The following KCNH8 variants were observed in gnomAD, a reference collection of about 807,000 sequenced individuals.
KCNH8 encodes the protein potassium voltage-gated channel subfamily H member 8.
KCNH8 carries 70 observed loss-of-function variants against 103.6 expected under a neutral mutation model. That is an observed-to-expected ratio of 0.68 (90% CI 0.56 to 0.82). KCNH8 has a LOEUF of 0.82. KCNH8 is among the 40% of genes least tolerant of loss of function. The pLI, the probability that KCNH8 is intolerant of heterozygous loss-of-function variation, is 0.00. For missense variants in KCNH8, 1,217 were observed against 1,329.9 expected, an observed-to-expected ratio of 0.92 and a Z score of 1.32; for synonymous variants, 498 against 489.4, an observed-to-expected ratio of 1.02 and a Z score of -0.23.
rs66509260 is a variant in KCNH8, at chr3:19,284,508, G to GGTGTGTGTGTGT, written c.442+3213_442+3224dup. Among the ~76,000 whole-genome samples, 7 of 136,620 alleles carry GGTGTGTGTGTGT rather than the reference G, an allele frequency of 5.1e-5. No individual in the cohort carries two copies. The East Asian group carries it at 8.6e-4, about 17-fold the overall frequency. 89.6% of individuals were successfully genotyped at this position (136,620 alleles called of 152,430 possible). ...ATAGCTTTCAGCTGGTGGATCTGCT[G>GGTGTGTGTGTGT]GTGTGTGTGTGTGTGTGTGTGTGTG... is the stretch of plus-strand genomic sequence containing the variant. On this transcript the variant is annotated intron_variant, in intron 3 of 15. Coordinates refer to ENST00000328405, the MANE Select transcript of KCNH8 (RefSeq NM_144633.3).
chr3:19,240,298 A>T (rs2064121611), intron 1 of KCNH8, among the ~76,000 whole-genome samples: 1 of 152,058 alleles, frequency 6.6e-6, no homozygotes, highest in Non-Finnish European at 1.5e-5. Flanking sequence ...TTTCTATCTA[A>T]GCATAGCTAT....
At chr3:19,464,742 ATATCCAAATGGCCACTTGCCAT>A (rs1388241618) in intron 11 of KCNH8, among the ~76,000 whole-genome samples, 1 of 152,164 alleles carries the variant, frequency 6.6e-6, no homozygotes, top group Non-Finnish European at 1.5e-5. Flanking sequence ...CAAGTGGCTG[ATATCCAAATGGCCACTTGCCAT>A]TATCCAAATG....
intron 5 of KCNH8, among the ~76,000 whole-genome samples, chr3:19,386,035 TC>T (rs1162005563): frequency 2.0e-5 from 3 of 152,148 alleles, no homozygotes; most frequent in Non-Finnish European, 4.4e-5. Context: ...AGAAAAGAAA[TC>T]TACTAATTTT....
chr3:19,517,620 G>A (rs781621348), intron 14 of KCNH8, among the ~76,000 whole-genome samples: 2 of 152,016 alleles, frequency 1.3e-5, no homozygotes, highest in Non-Finnish European at 2.9e-5. Context: ...AGAATGGAAC[G>A]AGAGAAGAAA....
chr3:19,189,147 A>G (rs1447219929), intron 1 of KCNH8, among the ~76,000 whole-genome samples: 2 of 152,082 alleles, frequency 1.3e-5, no homozygotes, highest in Non-Finnish European at 2.9e-5. Context: ...AGAAACAACA[A>G]CAGTTAAGAT....
intron 1 of KCNH8, among the ~76,000 whole-genome samples, chr3:19,238,386 A>C (rs948264471): frequency 6.6e-6 from 1 of 152,188 alleles, no homozygotes; most frequent in Non-Finnish European, 1.5e-5. Flanking sequence ...TCCCTGTCTC[A>C]AGACTGAGAA....
intron 3 of KCNH8, among the ~76,000 whole-genome samples, chr3:19,335,481 GTGTATATA>G (rs1238870152): frequency 2.0e-5 from 1 of 49,996 alleles, no homozygotes; most frequent in Admixed American, 2.0e-4. Context: ...ATATATGTGT[GTGTATATA>G]TATATATATA....
chr3:19,468,522 C>T (rs757760916), intron 11 of KCNH8, among the ~76,000 whole-genome samples: 107 of 152,222 alleles, frequency 7.0e-4, no homozygotes, highest in Admixed American at 3.3e-3. Flanking sequence ...TTTTTCACTT[C>T]CCCTAAGTTC....
At chr3:19,459,603 A>G (rs2067589673) in intron 11 of KCNH8, among the ~76,000 whole-genome samples, 1 of 151,948 alleles carries the variant, frequency 6.6e-6, no homozygotes, top group African/African-American at 2.4e-5. Context: ...TTTAAATTTG[A>G]TATAATTCAA....
intron 2 of KCNH8, among the ~76,000 whole-genome samples, chr3:19,254,754 C>T (rs879718739): frequency 6.6e-6 from 1 of 151,800 alleles, no homozygotes; most frequent in Non-Finnish European, 1.5e-5. Flanking sequence ...TAACATAATC[C>T]CCTGAGTTTT....
intron 1 of KCNH8, among the ~76,000 whole-genome samples, chr3:19,224,618 G>A (rs1424386625): frequency 3.0e-5 from 4 of 133,688 alleles, no homozygotes; most frequent in Non-Finnish European, 4.7e-5. Context: ...ATAGCTTACT[G>A]TAACCTCAAA....
intron 1 of KCNH8, among the ~76,000 whole-genome samples, chr3:19,159,372 A>G (rs1032210547): frequency 6.6e-6 from 1 of 151,926 alleles, no homozygotes; most frequent in African/African-American, 2.4e-5. Context: ...ATACACATAT[A>G]TGATATGATG....
rs189930943 is a variant in KCNH8, at chr3:19,388,118, C to T, written c.812-2363C>T. Among the ~76,000 whole-genome samples the T allele has an allele frequency of 3.9e-5, 6 of 152,150 alleles. No individual in the cohort carries two copies. The East Asian group carries it at 1.2e-3, about 29-fold the overall frequency. On this transcript the variant is annotated intron_variant, in intron 5 of 15. Transcript: ENST00000328405. The stretch of plus-strand genomic sequence containing the variant: ...GATGGTAATGGGTTTTCCATGAAAA[C>T]TGTGGTAGATTCCATGGTCACTTAT...
intron 1 of KCNH8, among the ~76,000 whole-genome samples, chr3:19,163,395 TAAAG>T (rs1306261353): frequency 6.6e-6 from 1 of 150,378 alleles, no homozygotes; most frequent in African/African-American, 2.5e-5. Context: ...ACCAAATACT[TAAAG>T]AATTATATTA....
intron 1 of KCNH8, among the ~76,000 whole-genome samples, chr3:19,172,826 C>CCCCTT (rs1490600131): frequency 1.3e-5 from 2 of 152,062 alleles, no homozygotes; most frequent in African/African-American, 4.8e-5. Flanking sequence ...AGTTACCTTC[C>CCCCTT]CCCTTCCCCC....
chr3:19,399,543 G>A (rs2066577400), intron 7 of KCNH8, among the ~76,000 whole-genome samples: 1 of 151,918 alleles, frequency 6.6e-6, no homozygotes, highest in Admixed American at 6.6e-5. Context: ...TGACCAAAAT[G>A]ACCTCAATGT....
intron 2 of KCNH8, among the ~76,000 whole-genome samples, chr3:19,279,326 T>G (rs2064723225): frequency 6.6e-6 from 1 of 152,112 alleles, no homozygotes; most frequent in African/African-American, 2.4e-5. Flanking sequence ...CTTGAGTTGA[T>G]TTATTGTCTC....
chr3:19,347,700 C>G (rs2065746687), intron 4 of KCNH8, 25 bp from the exon 5 acceptor site: 2 of 1,610,084 alleles, frequency 1.2e-6, no homozygotes, highest in East Asian at 4.5e-5. Context: ...TTTCTCCTTT[C>G]TCTCCTTTTT....
intron 3 of KCNH8, among the ~76,000 whole-genome samples, chr3:19,320,982 A>G (rs1455313456): frequency 1.3e-5 from 2 of 151,950 alleles, no homozygotes; most frequent in African/African-American, 2.4e-5. Context: ...AAAGGTATTC[A>G]TAGTAGCCTT....
Sources: allele counts gnomAD v4.1 joint callset (sites outside exome capture counted in the v4.1 genomes callset), GRCh38; gene constraint gnomAD v4.1.1; transcripts MANE v1.5; gene names NCBI Gene and HGNC (gene_info 2026-07-23, HGNC 2026-07-21).